Variants in EGLN1 observed in about 807,000 individuals in gnomAD.
EGLN1 encodes egl-9 family hypoxia inducible factor 1.
In EGLN1, 17 loss-of-function variants were observed where a neutral mutation model predicts 38.3. That is an observed-to-expected ratio of 0.44 (90% confidence interval 0.30 to 0.67). The LOEUF is 0.67. EGLN1 is among the 30% of genes least tolerant of loss of function. The pLI, the probability that EGLN1 is intolerant of heterozygous loss-of-function variation, is 0.08. For synonymous variants in EGLN1, 283 were observed against 257.5 expected (o/e 1.10, Z -0.95); for missense variants, 477 against 603.3 (o/e 0.79, Z 2.19).
intron 3 of EGLN1, among the ~76,000 whole-genome samples, chr1:231,368,557 T>A (rs1306893394): frequency 6.6e-6 from 1 of 152,220 alleles, no homozygotes; most frequent in African/African-American, 2.4e-5. Context: ...ACAAAAGACA[T>A]ACTTTCTGAT....
At chr1:231,386,661 T>G (rs1262050306) in intron 1 of EGLN1, among the ~76,000 whole-genome samples, 1 of 152,210 alleles carries the variant, frequency 6.6e-6, no homozygotes, top group East Asian at 1.9e-4. Context: ...TATTTATTCT[T>G]GTACTCCTAG....
At chr1:231,405,501 C>A (rs1215207960) in intron 1 of EGLN1, among the ~76,000 whole-genome samples, 1 of 152,062 alleles carries the variant, frequency 6.6e-6, no homozygotes, top group African/African-American at 2.4e-5. Context: ...TTTAAAAAGT[C>A]TTTTACAAAT....
intron 2 of EGLN1, among the ~76,000 whole-genome samples, chr1:231,373,462 C>T (rs188560574): frequency 1.1e-4 from 16 of 152,274 alleles, no homozygotes; most frequent in African/African-American, 3.9e-4. Flanking sequence ...AGTGCTCTAA[C>T]ATCTGAAAAT....
chr1:231,397,027 C>T (rs1390238330), intron 1 of EGLN1, among the ~76,000 whole-genome samples: 3 of 152,156 alleles, frequency 2.0e-5, no homozygotes, highest in South Asian at 2.1e-4. Context: ...TCCAGAATTG[C>T]CATGCCCTTC....
rs886046107 is a variant in EGLN1, at chr1:231,365,990, T to C, written c.*421A>G. On this transcript the variant is annotated 3_prime_UTR_variant, in exon 5 of 5. Transcript: ENST00000366641. ...GATGTTATTTTGAGGAATAATACTG[T>C]AATTTTTTCTCAATTCAGTTTAGAT... 7 of 185,166 alleles carry C rather than the reference T, an allele frequency of 3.8e-5. No individual in the cohort carries two copies. The highest frequency in any genetic ancestry group is 5.3e-3 in the Middle Eastern group (2 of 380). The allele number at this position is 185,166 out of a possible 1,614,324, so 11.5% of individuals were successfully genotyped here.
intron 1 of EGLN1, among the ~76,000 whole-genome samples, chr1:231,387,581 G>C (rs1047127844): frequency 1.3e-5 from 2 of 152,010 alleles, no homozygotes; most frequent in South Asian, 2.1e-4. Flanking sequence ...GGATGGTCTC[G>C]ATCTCCTGAC....
rs1036216188 is a variant in EGLN1 at position 231,364,923 on chromosome 1, T to C, written c.*1488A>G. 2 of 152,212 alleles carry C rather than the reference T, an allele frequency of 1.3e-5. No individual in the cohort carries two copies. The highest frequency in any genetic ancestry group is 4.8e-5 in the African/African-American group (2 of 41,466). 9.4% of individuals were successfully genotyped at this position (152,212 alleles called of 1,614,324 possible). On this transcript the variant is annotated 3_prime_UTR_variant, in exon 5 of 5. Transcript: ENST00000366641. ...CAATTCATTCTTTAAATAACATGTA[T>C]GTGAGGCCTTGTGTGATTTTCTAAT...
At chr1:231,381,109 G>A (rs114773471) in intron 1 of EGLN1, among the ~76,000 whole-genome samples, 4,693 of 151,998 alleles carry the variant, frequency 0.031, 246 homozygotes, top group African/African-American at 0.11. Flanking sequence ...CTCTCACTAC[G>A]TTGTTCAGGC....
At chr1:231,367,751 A>C in intron 3 of EGLN1, 115 bp from the exon 4 acceptor site, 1 of 844,282 alleles carries the variant, frequency 1.2e-6, no homozygotes, top group South Asian at 1.4e-5. Context: ...AACTGGAATG[A>C]TATCAAAGGA....
Position 231,421,784 on chromosome 1 carries a change from G to A in EGLN1, c.105C>T (p.Arg35=), listed in dbSNP as rs1410021679. 6.4e-6 allele frequency: 10 copies of A among 1,557,874 alleles called. No individual in the cohort carries two copies. The highest frequency in any genetic ancestry group is 2.8e-5 in the African/African-American group (2 of 71,570). The change falls in exon 1 of 5, where the codon CGC becomes CGT. Residue 35 remains arginine (R), a synonymous_variant. Coordinates refer to ENST00000366641, the MANE Select transcript of EGLN1 (RefSeq NM_022051.3). The surrounding 1 kb of genome is among the most constrained non-coding windows in gnomAD (Gnocchi z 5.5). The part of the protein sequence containing the change: ...GKMENLLRCS[R]CRSSFYCCKE... ...TGCAGCAGTAGAAGGAGCTGCGGCAGCGGCTGCAGCGCAGCAGGTTCTCCA... is the reference window on the plus strand; with the variant it reads ...TGCAGCAGTAGAAGGAGCTGCGGCAACGGCTGCAGCGCAGCAGGTTCTCCA...
Position 231,408,600 on chromosome 1 carries a change from G to A in EGLN1, c.891+12398C>T, listed in dbSNP as rs575158934. Reference sequence around the variant, plus strand: ...AAAGTGATTTTTAAAATTCTAATTAGAGCGGTGCAGTGGGAATTCAAATAT... The same window carrying A: ...AAAGTGATTTTTAAAATTCTAATTAAAGCGGTGCAGTGGGAATTCAAATAT... On this transcript the variant is annotated intron_variant, in intron 1 of 4. Transcript: ENST00000366641. 6.6e-5 allele frequency among the ~76,000 whole-genome samples: 10 copies of A among 152,238 alleles called. No individual in the cohort carries two copies. In the South Asian group the frequency reaches 2.1e-3, roughly 32 times the overall value.
At chr1:231,371,520 A>G (rs1036399826) in intron 2 of EGLN1, among the ~76,000 whole-genome samples, 3 of 152,186 alleles carry the variant, frequency 2.0e-5, no homozygotes, top group African/African-American at 7.2e-5. Flanking sequence ...CACCATCACC[A>G]TCAGCATATA....
chr1:231,388,011 G>T (rs2808592), intron 1 of EGLN1, among the ~76,000 whole-genome samples: 1 of 152,048 alleles, frequency 6.6e-6, no homozygotes, highest in Non-Finnish European at 1.5e-5. Context: ...CAATATCATT[G>T]TATGTAAATC....
At chr1:231,380,683 TCCTA>T (rs1688061830) in intron 1 of EGLN1, among the ~76,000 whole-genome samples, 1 of 152,206 alleles carries the variant, frequency 6.6e-6, no homozygotes, top group African/African-American at 2.4e-5. Flanking sequence ...GAGCTTATAT[TCCTA>T]CTGGCTTTGT....
intron 1 of EGLN1, among the ~76,000 whole-genome samples, chr1:231,396,566 G>A (rs508618): frequency 0.8 from 122,265 of 152,104 alleles, 49,177 homozygotes; most frequent in East Asian, 0.86. Flanking sequence ...ATTGGCTTCT[G>A]TCATGAGCAA....
chr1:231,401,071 C>T (rs1219094022), intron 1 of EGLN1, among the ~76,000 whole-genome samples: 2 of 152,048 alleles, frequency 1.3e-5, no homozygotes, highest in African/African-American at 4.8e-5. Flanking sequence ...AATAAATAAA[C>T]AAGAAATTTC....
At chr1:231,396,413 C>T (rs1040415087) in intron 1 of EGLN1, among the ~76,000 whole-genome samples, 1 of 152,040 alleles carries the variant, frequency 6.6e-6, no homozygotes, top group Non-Finnish European at 1.5e-5. Context: ...GCCACCAAGC[C>T]CAGCTAATTT....
intron 1 of EGLN1, among the ~76,000 whole-genome samples, chr1:231,374,740 G>A (rs921873998): frequency 2.0e-5 from 3 of 151,936 alleles, no homozygotes; most frequent in Admixed American, 2.0e-4. Context: ...GATAATTTAG[G>A]AGGTCAACTA....
At position 231,398,380 on chromosome 1, in the gene EGLN1, C is replaced by T. The variant is rs1240193776; in HGVS notation, c.891+22618G>A. ...GGTCACATTATGTTGTCCAGGCTGG[C>T]TTTGAACTCCTGGGATAAAGCAATT... On this transcript the variant is annotated intron_variant, in intron 1 of 4. Transcript: ENST00000366641. Among the ~76,000 whole-genome samples the T allele has an allele frequency of 2.0e-5, 3 of 152,040 alleles. No homozygotes were observed. The East Asian group carries it at 5.8e-4, about 29-fold the overall frequency.
Sources: gnomAD v4.1 joint callset for allele counts (sites outside exome capture counted in the v4.1 genomes callset) on GRCh38, gnomAD v4.1.1 for gene constraint, Gnocchi (gnomAD v3.1) non-coding constraint, MANE v1.5 for transcripts, NCBI Gene and HGNC (gene_info 2026-07-23, HGNC 2026-07-21) for gene names.